Variants in CSMD1 observed in about 807,000 individuals in gnomAD.
CSMD1 encodes CUB and sushi domain-containing protein 1.
A neutral mutation model predicts 417.5 loss-of-function variants in CSMD1; 213 were observed. The ratio of observed to expected loss-of-function variants is 0.51; its 90% CI spans 0.46 to 0.57. The LOEUF is 0.57. CSMD1 is among the 20% of genes least tolerant of loss of function. The probability of loss-of-function intolerance (pLI) is 0.00; values close to 1 mark genes in which losing one functional copy is unlikely to be tolerated. For missense variants in CSMD1, 6,923 were observed against 4,529.7 expected (o/e 1.53, Z -15.17); for synonymous variants, 2,862 against 1,736.8 (o/e 1.65, Z -16.11).
At chr8:4,589,540 G>C (rs373876688) in intron 2 of CSMD1, among the ~76,000 whole-genome samples, 2 of 152,288 alleles carry the variant, frequency 1.3e-5, no homozygotes, top group East Asian at 3.9e-4. Flanking sequence ...AGGTTAGGAA[G>C]TGCATAATAT....
intron 8 of CSMD1, among the ~76,000 whole-genome samples, chr8:3,590,445 A>C (rs991932343): frequency 2.6e-5 from 4 of 152,136 alleles, no homozygotes; most frequent in East Asian, 1.9e-4. Context: ...CCACCAAAGG[A>C]AAGTTTTCAA....
intron 10 of CSMD1, among the ~76,000 whole-genome samples, chr8:3,495,905 T>C (rs1477148282): frequency 6.6e-6 from 1 of 152,148 alleles, no homozygotes; most frequent in African/African-American, 2.4e-5. Flanking sequence ...CATATAATTA[T>C]CTTATCTTTC....
At chr8:4,426,030 C>G (rs550953930) in intron 2 of CSMD1, among the ~76,000 whole-genome samples, 1 of 151,418 alleles carries the variant, frequency 6.6e-6, no homozygotes, top group Non-Finnish European at 1.5e-5. Context: ...TTCCAAATCT[C>G]CAAGGGATTA....
At chr8:3,731,245 T>C (rs2623695) in intron 6 of CSMD1, among the ~76,000 whole-genome samples, 129,359 of 152,180 alleles carry the variant, frequency 0.85, 56,836 homozygotes, top group Non-Finnish European at 0.96. Context: ...CAGCAAACAA[T>C]GACGTGCATT....
chr8:3,980,965 C>G (rs975657765), intron 5 of CSMD1, among the ~76,000 whole-genome samples: 3 of 152,098 alleles, frequency 2.0e-5, no homozygotes, highest in African/African-American at 7.2e-5. Flanking sequence ...GAGTAGGGGC[C>G]CTGCTCACCT....
chr8:4,064,388 T>G (rs530964841), intron 3 of CSMD1, among the ~76,000 whole-genome samples: 1 of 152,330 alleles, frequency 6.6e-6, no homozygotes, highest in South Asian at 2.1e-4. Context: ...AGTTGTTTTC[T>G]CCCTCAATGT....
chr8:3,608,384 T>A (rs1340799831), intron 8 of CSMD1, among the ~76,000 whole-genome samples: 1 of 152,068 alleles, frequency 6.6e-6, no homozygotes, highest in Non-Finnish European at 1.5e-5. Context: ...GAAGCTCAAG[T>A]TTCAGAGAAT....
chr8:3,880,293 T>C (rs1806123256), intron 5 of CSMD1, among the ~76,000 whole-genome samples: 1 of 152,188 alleles, frequency 6.6e-6, no homozygotes, highest in Admixed American at 6.5e-5. Context: ...CATGCTGATA[T>C]TAGATTACAT....
intron 1 of CSMD1, among the ~76,000 whole-genome samples, chr8:4,974,310 G>T (rs1036343765): frequency 1.3e-5 from 2 of 152,058 alleles, no homozygotes; most frequent in African/African-American, 4.8e-5. Flanking sequence ...ACAGGCGCAA[G>T]ATTTTATTTT....
intron 40 of CSMD1, among the ~76,000 whole-genome samples, chr8:3,149,497 G>A (rs1819060147): frequency 6.6e-6 from 1 of 151,930 alleles, no homozygotes; most frequent in South Asian, 2.1e-4. Flanking sequence ...TTTACTTATT[G>A]AGACAGAGTC....
intron 2 of CSMD1, among the ~76,000 whole-genome samples, chr8:4,506,964 T>C (rs947293720): frequency 2.6e-5 from 4 of 152,214 alleles, no homozygotes. Flanking sequence ...GAATACATTT[T>C]TTTCATAAAC....
intron 16 of CSMD1, among the ~76,000 whole-genome samples, chr8:3,397,667 C>T (rs773823048): frequency 3.9e-5 from 6 of 152,092 alleles, no homozygotes; most frequent in East Asian, 1.9e-4. Flanking sequence ...TCTGGCTAAG[C>T]GTGAAAGCAA....
Position 3,142,533 on chromosome 8 carries a change from T to G in CSMD1, c.6173A>C (p.His2058Pro), listed in dbSNP as rs1177679214. The stretch of plus-strand genomic sequence containing the variant: ...ACTATAAAAGTGGATGAGGGTTTCA[T>G]GCGTTGTGCTCAGCAGGGCCGCGGG... ...DLPAALLSTT[H>P]ETLIHFYSDH... is the part of the protein sequence containing the mutation. Residue 2058 changes from histidine (H) to proline (P), a missense_variant, in exon 41 of 70, where the codon CAT becomes CCT. Physicochemically the swap from His to Pro is moderately conservative, Grantham distance 77 (BLOSUM62 -2). Coordinates refer to ENST00000635120, the MANE Select transcript of CSMD1 (RefSeq NM_033225.6). 1 of 1,614,040 alleles carries G rather than the reference T, an allele frequency of 6.2e-7. No individual in the cohort carries two copies. The highest frequency in any genetic ancestry group is 1.1e-5 in the South Asian group (1 of 91,080).
At chr8:3,785,688 G>T (rs558341286) in intron 5 of CSMD1, among the ~76,000 whole-genome samples, 1 of 152,178 alleles carries the variant, frequency 6.6e-6, no homozygotes, top group East Asian at 1.9e-4. Flanking sequence ...TGGGCTGTGT[G>T]CATGGAGGAG....
At chr8:4,402,851 T>C (rs1804741756) in intron 3 of CSMD1, among the ~76,000 whole-genome samples, 1 of 137,176 alleles carries the variant, frequency 7.3e-6, no homozygotes, top group Non-Finnish European at 1.5e-5. Context: ...GACAGAGCCT[T>C]GCTCTGTTGC....
At chr8:4,658,905 T>G (rs1804408725) in intron 1 of CSMD1, among the ~76,000 whole-genome samples, 1 of 152,176 alleles carries the variant, frequency 6.6e-6, no homozygotes, top group Admixed American at 6.5e-5. Flanking sequence ...TCTATGTTAT[T>G]GAAAATACGT....
At chr8:4,688,998 T>C (rs1373216676) in intron 1 of CSMD1, among the ~76,000 whole-genome samples, 1 of 152,252 alleles carries the variant, frequency 6.6e-6, no homozygotes, top group Admixed American at 6.5e-5. Flanking sequence ...GAGGAAGTTA[T>C]AGAACTAAAT....
intron 1 of CSMD1, among the ~76,000 whole-genome samples, chr8:4,950,939 T>G (rs1808703664): frequency 6.6e-6 from 1 of 151,194 alleles, no homozygotes; most frequent in Admixed American, 6.6e-5. Context: ...AACTGACCAA[T>G]TACAAAACTT....
chr8:3,617,013 T>G (rs960914376), intron 7 of CSMD1, among the ~76,000 whole-genome samples: 5 of 152,216 alleles, frequency 3.3e-5, no homozygotes, highest in Non-Finnish European at 5.9e-5. Context: ...TGATAATCTT[T>G]GGTTTTATTT....
Sources: allele counts gnomAD v4.1 joint callset (sites outside exome capture counted in the v4.1 genomes callset), GRCh38; gene constraint gnomAD v4.1.1; transcripts MANE v1.5; gene names NCBI Gene and HGNC (gene_info 2026-07-23, HGNC 2026-07-21).